Variants in GRIN2A observed in about 807,000 individuals in gnomAD.
The protein encoded by GRIN2A is glutamate receptor ionotropic, NMDA 2A.
A neutral mutation model predicts 113.4 loss-of-function variants in GRIN2A; 22 were observed. The ratio of observed to expected loss-of-function variants is 0.19; its 90% CI spans 0.14 to 0.28. The LOEUF (loss-of-function observed/expected upper bound fraction) is 0.28, where lower values mean the gene tolerates loss of function less well. Among genes scored for constraint, GRIN2A ranks in the 10% least tolerant of loss-of-function variants. GRIN2A has a pLI of 1.00. For missense variants in GRIN2A, 1,502 were observed against 1,887.0 expected, an observed-to-expected ratio of 0.80 and a Z score of 3.78; for synonymous variants, 827 against 738.4, an observed-to-expected ratio of 1.12 and a Z score of -1.94.
intron 3 of GRIN2A, among the ~76,000 whole-genome samples, chr16:9,898,873 G>T: frequency 6.8e-6 from 1 of 146,190 alleles, no homozygotes; most frequent in Admixed American, 7.0e-5. Flanking sequence ...CTATCTTAGT[G>T]CTTTCTCATC....
intron 2 of GRIN2A, among the ~76,000 whole-genome samples, chr16:10,104,476 T>A (rs768818965): frequency 3.0e-4 from 46 of 152,152 alleles, no homozygotes; most frequent in Admixed American, 9.8e-4. Flanking sequence ...GACTTAATAA[T>A]CAGTATGTAA....
At chr16:9,836,947 A>C (rs1046493158) in intron 7 of GRIN2A, among the ~76,000 whole-genome samples, 2 of 152,216 alleles carry the variant, frequency 1.3e-5, no homozygotes, top group African/African-American at 4.8e-5. Flanking sequence ...TAGAAATATT[A>C]CAGGAGATGC....
intron 2 of GRIN2A, among the ~76,000 whole-genome samples, chr16:10,102,537 C>CT (rs888836314): frequency 2.6e-5 from 4 of 151,934 alleles, no homozygotes; most frequent in South Asian, 4.2e-4. Context: ...TTCTTTTTTT[C>CT]TTTTTTTTCT....
intron 12 of GRIN2A, among the ~76,000 whole-genome samples, chr16:9,766,634 G>C (rs907681763): frequency 3.9e-5 from 6 of 152,142 alleles, no homozygotes; most frequent in African/African-American, 1.4e-4. Flanking sequence ...TGCTTCCAGA[G>C]CTGCTGGAGC....
chr16:10,132,340 CAAA>C (rs71402435), intron 2 of GRIN2A, among the ~76,000 whole-genome samples: 6 of 61,624 alleles, frequency 9.7e-5, no homozygotes, highest in African/African-American at 1.2e-4. Context: ...GACACCGTCT[CAAA>C]AAAAAAAAAA....
At chr16:9,943,011 T>G (rs1474182287) in intron 2 of GRIN2A, 2 of 152,182 alleles carry the variant, frequency 1.3e-5, no homozygotes, top group Non-Finnish European at 2.9e-5. Flanking sequence ...TGGCAGGACA[T>G]GATGGGGAAT....
intron 2 of GRIN2A, among the ~76,000 whole-genome samples, chr16:10,094,936 C>G (rs1463179547): frequency 6.6e-6 from 1 of 151,560 alleles, no homozygotes; most frequent in Non-Finnish European, 1.5e-5. Flanking sequence ...ATTTTGTCCC[C>G]TACAAATTCA....
At chr16:9,942,941 A>T (rs2044920072) in intron 2 of GRIN2A, among the ~76,000 whole-genome samples, 1 of 152,196 alleles carries the variant, frequency 6.6e-6, no homozygotes, top group Non-Finnish European at 1.5e-5. Flanking sequence ...ATAATTGCAT[A>T]GCAGAGCAAT....
chr16:10,028,216 C>A (rs1247773510), intron 2 of GRIN2A, among the ~76,000 whole-genome samples: 2 of 152,200 alleles, frequency 1.3e-5, no homozygotes, highest in African/African-American at 4.8e-5. Flanking sequence ...CAAAGACGAG[C>A]AACCTGGGAC....
chr16:9,877,931 C>T (rs1439162957), intron 4 of GRIN2A, among the ~76,000 whole-genome samples: 1 of 148,488 alleles, frequency 6.7e-6, no homozygotes, highest in African/African-American at 2.5e-5. Flanking sequence ...TTCTCTACAA[C>T]ACAGATGAGC....
intron 2 of GRIN2A, among the ~76,000 whole-genome samples, chr16:9,990,543 A>ACACGCG (rs1187037242): frequency 3.3e-5 from 4 of 120,158 alleles, no homozygotes; most frequent in African/African-American, 1.3e-4. Flanking sequence ...CTCTCTCTCT[A>ACACGCG]CACGCGCGCG....
chr16:10,053,386 C>A (rs1439653303), intron 2 of GRIN2A, among the ~76,000 whole-genome samples: 2 of 152,200 alleles, frequency 1.3e-5, no homozygotes, highest in African/African-American at 4.8e-5. Context: ...CACAACAACC[C>A]TCTATGAATA....
chr16:10,036,437 C>CTTTTTTTTTTTTTTTTT (rs1360199200), intron 2 of GRIN2A, among the ~76,000 whole-genome samples: 2 of 92,670 alleles, frequency 2.2e-5, no homozygotes, highest in African/African-American at 4.2e-5. Flanking sequence ...TTAGTACTTA[C>CTTTTTTTTTTTTTTTTT]TTTTTTTTTT....
In GRIN2A at chr16:9,763,943, T is replaced by C. The variant is rs748338352; in HGVS notation, c.3601A>G (p.Ser1201Gly). 5.6e-6 allele frequency: 9 copies of C among 1,614,144 alleles called. No homozygotes were observed. Among genetic ancestry groups the C allele is most frequent in the Admixed American group, 1.7e-5 (1 of 60,030 alleles). Residue 1201 changes from serine (S) to glycine (G), a missense_variant, in exon 13 of 13, where the codon AGT (serine) becomes GGT (glycine). Transcript: ENST00000330684. ...TGCCGGTATCGCTCGCTGGTCTCAC[T>C]GTGCGGGGAACCCTTGTCTTTCAAG... ...FTLKDKGSPH[S>G]ETSERYRQNS...
rs370793598 is a variant in GRIN2A at position 10,180,252 on chromosome 16, G to C, written c.160C>G (p.Leu54Val). ...CCCGCCGCCTGCTCGGGGCCCCACA[G>C]TGTTCGAAGTTCGCGCTCTGTCACG... ...HDVTERELRT[L>V]WGPEQAAGLP... The change falls in exon 2 of 13, where the codon CTG (leucine) becomes GTG (valine). Residue 54 changes from leucine (L) to valine (V), a missense_variant. Leu to Val is a conservative substitution (Grantham distance 32, BLOSUM62 1). This residue lies in a region of GRIN2A where 149 missense variants were observed against 179.1 expected (regional missense o/e 0.83). Transcript: ENST00000330684. The surrounding 1 kb of genome is among the most constrained non-coding windows in gnomAD (Gnocchi z 7.0). 1.2e-6 allele frequency: 2 copies of C among 1,613,980 alleles called. No individual in the cohort carries two copies. The highest frequency in any genetic ancestry group is 1.7e-6 in the Non-Finnish European group (2 of 1,180,030).
intron 2 of GRIN2A, among the ~76,000 whole-genome samples, chr16:10,043,888 C>CATAT (rs758287683): frequency 6.6e-6 from 1 of 151,056 alleles, no homozygotes; most frequent in Non-Finnish European, 1.5e-5. Flanking sequence ...CATACACACA[C>CATAT]ATATATATAT....
intron 2 of GRIN2A, among the ~76,000 whole-genome samples, chr16:10,087,948 C>A (rs1295784695): frequency 6.6e-6 from 1 of 151,242 alleles, no homozygotes; most frequent in East Asian, 2.0e-4. Context: ...CCTCGGCCTC[C>A]CAAAGTGCTA....
intron 11 of GRIN2A, among the ~76,000 whole-genome samples, chr16:9,786,671 T>C (rs1051042779): frequency 6.6e-6 from 1 of 152,110 alleles, no homozygotes; most frequent in Non-Finnish European, 1.5e-5. Context: ...AGAAGTAACA[T>C]CATGTAAAGA....
At chr16:9,804,004 G>A (rs1208627860) in intron 10 of GRIN2A, among the ~76,000 whole-genome samples, 1 of 152,144 alleles carries the variant, frequency 6.6e-6, no homozygotes, top group Non-Finnish European at 1.5e-5. Context: ...CACTTCATCT[G>A]TCTCGTTCCC....
Sources: gnomAD v4.1 joint callset for allele counts (sites outside exome capture counted in the v4.1 genomes callset) on GRCh38, gnomAD v4.1.1 for gene constraint, gnomAD v4.1.1 regional missense constraint, Gnocchi (gnomAD v3.1) non-coding constraint, MANE v1.5 for transcripts, NCBI Gene and HGNC (gene_info 2026-07-23, HGNC 2026-07-21) for gene names.